Variants in NALF1 observed in about 807,000 individuals in gnomAD.
NALF1 encodes the protein family with sequence similarity 155 member A.
Under a neutral mutation model 48.4 loss-of-function variants are expected in NALF1, and 3 were observed. That is an observed-to-expected ratio of 0.06 (90% CI 0.03 to 0.16). The LOEUF (loss-of-function observed/expected upper bound fraction) is 0.16. Ranked by LOEUF, NALF1 falls within the 10% of genes least tolerant of loss-of-function variation. NALF1 has a pLI of 1.00. For missense variants in NALF1, 526 were observed against 571.5 expected (o/e 0.92, Z 0.81); for synonymous variants, 262 against 245.7 (o/e 1.07, Z -0.62).
intron 1 of NALF1, among the ~76,000 whole-genome samples, chr13:107,738,412 C>T (rs1404868864): frequency 6.6e-6 from 1 of 152,084 alleles, no homozygotes; most frequent in Non-Finnish European, 1.5e-5. Context: ...CATAAGATTC[C>T]AATCTTAAGC....
chr13:107,695,876 G>A (rs2138507866), intron 1 of NALF1, among the ~76,000 whole-genome samples: 1 of 149,146 alleles, frequency 6.7e-6, no homozygotes, highest in South Asian at 2.1e-4. Context: ...GAGAATATGA[G>A]TTATGTTTGC....
At chr13:107,732,894 T>C (rs1876352956) in intron 1 of NALF1, among the ~76,000 whole-genome samples, 1 of 152,162 alleles carries the variant, frequency 6.6e-6, no homozygotes, top group African/African-American at 2.4e-5. Flanking sequence ...ACAAACTTTC[T>C]ACCCGTCTGG....
At chr13:107,290,461 G>T (rs1430011711) in intron 1 of NALF1, among the ~76,000 whole-genome samples, 1 of 152,076 alleles carries the variant, frequency 6.6e-6, no homozygotes, top group South Asian at 2.1e-4. Context: ...CCCCCATACT[G>T]TTTTCATGGT....
intron 1 of NALF1, among the ~76,000 whole-genome samples, chr13:107,600,815 C>T (rs1377811752): frequency 6.6e-6 from 1 of 152,188 alleles, no homozygotes; most frequent in African/African-American, 2.4e-5. Flanking sequence ...TGACACTTAA[C>T]TTGACCTCGA....
At chr13:107,273,736 G>A (rs1443119662) in intron 1 of NALF1, among the ~76,000 whole-genome samples, 1 of 152,158 alleles carries the variant, frequency 6.6e-6, no homozygotes. Context: ...AGTATTTCTG[G>A]TGAAATAACG....
chr13:107,241,336 C>T (rs962644802), intron 1 of NALF1, among the ~76,000 whole-genome samples: 2 of 152,102 alleles, frequency 1.3e-5, no homozygotes, highest in African/African-American at 4.8e-5. Context: ...ATGTCCTCGC[C>T]GAGCACCACA....
At chr13:107,439,953 G>GA (rs1295982055) in intron 1 of NALF1, among the ~76,000 whole-genome samples, 7 of 151,706 alleles carry the variant, frequency 4.6e-5, no homozygotes, top group South Asian at 2.1e-4. Context: ...CCATTTAAGA[G>GA]AAAAAAAACC....
chr13:107,325,312 A>G (rs1188440551), intron 1 of NALF1, among the ~76,000 whole-genome samples: 1 of 152,200 alleles, frequency 6.6e-6, no homozygotes, highest in Non-Finnish European at 1.5e-5. Context: ...ATGATGAGCT[A>G]ATTTTTCCAA....
At chr13:107,757,633 G>A (rs1350527527) in intron 1 of NALF1, among the ~76,000 whole-genome samples, 1 of 152,060 alleles carries the variant, frequency 6.6e-6, no homozygotes, top group Non-Finnish European at 1.5e-5. Context: ...ATCTGGTTAT[G>A]TGTATACACA....
At chr13:107,670,448 T>C (rs1422803365) in intron 1 of NALF1, among the ~76,000 whole-genome samples, 1 of 152,124 alleles carries the variant, frequency 6.6e-6, no homozygotes, top group Non-Finnish European at 1.5e-5. Flanking sequence ...CCCTTTCTTA[T>C]GGAAATCAGT....
intron 1 of NALF1, among the ~76,000 whole-genome samples, chr13:107,587,285 C>T (rs754275861): frequency 6.6e-6 from 1 of 152,080 alleles, no homozygotes; most frequent in Non-Finnish European, 1.5e-5. Flanking sequence ...ACGTGGGTTC[C>T]TTAAAGACAA....
chr13:107,320,230 T>C (rs535719150), intron 1 of NALF1, among the ~76,000 whole-genome samples: 35 of 152,206 alleles, frequency 2.3e-4, no homozygotes, highest in South Asian at 2.3e-3. Context: ...ATTTTCATCC[T>C]TTAAAATAAA....
intron 1 of NALF1, among the ~76,000 whole-genome samples, chr13:107,504,265 A>G (rs1367435944): frequency 6.6e-6 from 1 of 151,842 alleles, no homozygotes; most frequent in African/African-American, 2.4e-5. Flanking sequence ...AAAAAAAAAA[A>G]AAAAAATCAA....
intron 1 of NALF1, among the ~76,000 whole-genome samples, chr13:107,537,964 C>T (rs1876883597): frequency 6.6e-6 from 1 of 152,026 alleles, no homozygotes; most frequent in Admixed American, 6.6e-5. Flanking sequence ...TTGCAGTGAG[C>T]CAACATCGAG....
rs1296360521 is a variant in NALF1, at chr13:107,325,907, CAT to C, written c.916-115154_916-115153del. 2.8e-3 allele frequency among the ~76,000 whole-genome samples: 358 copies of C among 128,460 alleles called. 1 individual carries two copies. The highest frequency in any genetic ancestry group is 4.3e-3 in the Middle Eastern group (1 of 230). The allele number at this position is 128,460 out of a possible 152,430, so 84.3% of individuals were successfully genotyped here. ...ATATATACACACACACACACACACA[CAT>C]ATATACATATATCACACATATATAC... On this transcript the variant is annotated intron_variant, in intron 1 of 2. Transcript: ENST00000375915.
rs758238905 is a variant in NALF1 at position 107,866,592 on chromosome 13, G to C, written c.5C>G (p.Thr2Ser). The change falls in exon 1 of 3, where the codon ACC becomes AGC. Residue 2 changes from threonine (T) to serine (S), a missense_variant. Coordinates refer to ENST00000375915, the MANE Select transcript of NALF1 (RefSeq NM_001080396.3). This position sits in a 1 kb window ranked among gnomAD's most constrained non-coding sequence, Gnocchi z 4.4. The part of the protein sequence containing the change: M[T>S]RGAWMCRQYD... ...CTGCCGACACATCCAAGCACCCCTG[G>C]TCATATTTTGGGAACGCACAGCCCT... 5 of 1,603,210 alleles carry C rather than the reference G, an allele frequency of 3.1e-6. No individual in the cohort carries two copies. Among genetic ancestry groups the C allele is most frequent in the Non-Finnish European group, 4.2e-6 (5 of 1,177,748 alleles).
intron 1 of NALF1, among the ~76,000 whole-genome samples, chr13:107,845,913 A>G (rs908970103): frequency 1.3e-5 from 2 of 152,206 alleles, no homozygotes; most frequent in African/African-American, 4.8e-5. Flanking sequence ...ATAATGGTAG[A>G]GTTGAATATA....
chr13:107,438,860 T>C (rs374814244), intron 1 of NALF1, among the ~76,000 whole-genome samples: 1 of 83,632 alleles, frequency 1.2e-5, no homozygotes, highest in Non-Finnish European at 2.6e-5. Flanking sequence ...AAGAATAATA[T>C]AAAGGGTGTC....
At chr13:107,402,076 G>A (rs1213009495) in intron 1 of NALF1, among the ~76,000 whole-genome samples, 1 of 152,108 alleles carries the variant, frequency 6.6e-6, no homozygotes, top group African/African-American at 2.4e-5. Context: ...GCCTAGCAAA[G>A]CTGATGGGAT....
Sources: allele counts gnomAD v4.1 joint callset (sites outside exome capture counted in the v4.1 genomes callset), GRCh38; gene constraint gnomAD v4.1.1; non-coding constraint Gnocchi (gnomAD v3.1); transcripts MANE v1.5; gene names NCBI Gene and HGNC (gene_info 2026-07-23, HGNC 2026-07-21).